The following LPAR1 variants were observed in gnomAD, a reference collection of about 807,000 sequenced individuals.
LPAR1 encodes LPA receptor 1.
Under a neutral mutation model 23.8 loss-of-function variants are expected in LPAR1, and 5 were observed. That is an observed-to-expected ratio of 0.21 (90% CI 0.11 to 0.44). The LOEUF is 0.44. Among genes scored for constraint, LPAR1 ranks in the 20% least tolerant of loss-of-function variants. The probability of loss-of-function intolerance (pLI) is 0.99; values close to 1 mark genes in which losing one functional copy is unlikely to be tolerated. For missense variants in LPAR1, 311 were observed against 482.8 expected (o/e 0.64, Z 3.33); for synonymous variants, 160 against 164.7 (o/e 0.97, Z 0.22).
At chr9:110,961,330 G>A (rs2095972618) in intron 4 of LPAR1, among the ~76,000 whole-genome samples, 1 of 151,090 alleles carries the variant, frequency 6.6e-6, no homozygotes, top group African/African-American at 2.4e-5. Flanking sequence ...AAAAAAAAAA[G>A]AGGTTTAGGG....
chr9:111,010,283 T>C (rs953607290), intron 2 of LPAR1, among the ~76,000 whole-genome samples: 15 of 152,014 alleles, frequency 9.9e-5, no homozygotes, highest in African/African-American at 3.4e-4. Flanking sequence ...GCAGAAATTA[T>C]AGGAGAATGT....
At chr9:110,955,294 T>C (rs577055603) in intron 4 of LPAR1, among the ~76,000 whole-genome samples, 85 of 152,228 alleles carry the variant, frequency 5.6e-4, no homozygotes, top group African/African-American at 2.0e-3. Context: ...CCTATACACA[T>C]GTCAGATAAA....
chr9:111,038,453 C>A lies in LPAR1; in HGVS notation c.-548G>T. 1 of 333,000 alleles carries A rather than the reference C, an allele frequency of 3.0e-6. No individual in the cohort carries two copies. The highest frequency in any genetic ancestry group is 2.1e-5 in the South Asian group (1 of 47,332). The allele number at this position is 333,000 out of a possible 1,614,324, so 20.6% of individuals were successfully genotyped here. On this transcript the variant is annotated 5_prime_UTR_variant, in exon 1 of 6. Coordinates refer to ENST00000683809, the MANE Select transcript of LPAR1 (RefSeq NM_001351411.2). This position sits in a 1 kb window ranked among gnomAD's most constrained non-coding sequence, Gnocchi z 4.4. ...GAGTCGCCACTCAGGGAGCGTCAGCCGCCAGTCGGCCCCTACTGCCCGGCT... is the reference window on the plus strand; with the variant it reads ...GAGTCGCCACTCAGGGAGCGTCAGCAGCCAGTCGGCCCCTACTGCCCGGCT...
intron 4 of LPAR1, among the ~76,000 whole-genome samples, chr9:110,947,625 G>A (rs779752835): frequency 9.9e-5 from 15 of 152,168 alleles, no homozygotes; most frequent in Non-Finnish European, 1.6e-4. Flanking sequence ...ATTCTTGAAC[G>A]TTTATAGGAT....
At chr9:111,025,159 C>G (rs1294318212) in intron 2 of LPAR1, among the ~76,000 whole-genome samples, 3 of 152,170 alleles carry the variant, frequency 2.0e-5, no homozygotes, top group African/African-American at 7.2e-5. Flanking sequence ...AATTTACACT[C>G]CCACCAACAG....
chr9:110,892,685 A>AGGGAG (rs2084653213), intron 5 of LPAR1, among the ~76,000 whole-genome samples: 2 of 135,238 alleles, frequency 1.5e-5, no homozygotes, highest in Admixed American at 7.5e-5. Flanking sequence ...GAGAGGGGGA[A>AGGGAG]GGGAGGGGAG....
At chr9:110,927,281 G>A (rs1364243509) in intron 5 of LPAR1, among the ~76,000 whole-genome samples, 3 of 151,210 alleles carry the variant, frequency 2.0e-5, no homozygotes, top group Non-Finnish European at 4.4e-5. Context: ...TAGCAGCTGC[G>A]AAAACATTCA....
intron 5 of LPAR1, among the ~76,000 whole-genome samples, chr9:110,899,343 C>A (rs2087743797): frequency 6.6e-6 from 1 of 152,168 alleles, no homozygotes; most frequent in South Asian, 2.1e-4. Context: ...AAATTATCTA[C>A]ATCAAGAATT....
chr9:111,036,459 C>A (rs758131920), intron 1 of LPAR1, among the ~76,000 whole-genome samples: 9 of 152,084 alleles, frequency 5.9e-5, no homozygotes, highest in Non-Finnish European at 1.3e-4. Flanking sequence ...TGTTTTCTTC[C>A]ATCTTCCTGG....
chr9:110,946,208 A>C (rs2095370991), intron 4 of LPAR1, among the ~76,000 whole-genome samples: 1 of 152,166 alleles, frequency 6.6e-6, no homozygotes, highest in African/African-American at 2.4e-5. Context: ...AAAGAAAAGA[A>C]GGCACATATA....
chr9:110,909,417 C>T (rs2092022941), intron 5 of LPAR1, among the ~76,000 whole-genome samples: 1 of 152,156 alleles, frequency 6.6e-6, no homozygotes, highest in Non-Finnish European at 1.5e-5. Flanking sequence ...GATTGACTTT[C>T]AGTGCAGTGG....
At chr9:110,955,203 T>C (rs1004731320) in intron 4 of LPAR1, among the ~76,000 whole-genome samples, 1 of 152,228 alleles carries the variant, frequency 6.6e-6, no homozygotes, top group South Asian at 2.1e-4. Context: ...TCATCTCATC[T>C]GTGAAGAAAC....
chr9:110,998,856 G>T (rs2097073614), intron 2 of LPAR1, among the ~76,000 whole-genome samples: 2 of 152,182 alleles, frequency 1.3e-5, no homozygotes, highest in South Asian at 4.1e-4. Context: ...AATATCTAAT[G>T]CATAGATAGA....
intron 4 of LPAR1, among the ~76,000 whole-genome samples, chr9:110,964,642 T>A (rs138404301): frequency 6.9e-6 from 1 of 145,528 alleles, no homozygotes; most frequent in African/African-American, 2.6e-5. Flanking sequence ...AGTACAAAGT[T>A]CTATCCAAAA....
chr9:110,886,106 G>A (rs1364738121), intron 5 of LPAR1, among the ~76,000 whole-genome samples: 24 of 152,012 alleles, frequency 1.6e-4, no homozygotes, highest in African/African-American at 5.1e-4. Context: ...TCTACGGCAG[G>A]AGAATTGCTT....
chr9:110,932,036 A>T (rs961552544), intron 5 of LPAR1, among the ~76,000 whole-genome samples: 1 of 152,196 alleles, frequency 6.6e-6, no homozygotes, highest in African/African-American at 2.4e-5. Context: ...CCTTAAAAAA[A>T]GTCCTGAGAG....
intron 2 of LPAR1, among the ~76,000 whole-genome samples, chr9:110,991,583 T>C (rs1481757077): frequency 2.6e-5 from 3 of 114,106 alleles, no homozygotes; most frequent in African/African-American, 1.5e-4. Flanking sequence ...GTTTGTTTTG[T>C]TGTTGTTGTT....
intron 2 of LPAR1, among the ~76,000 whole-genome samples, chr9:111,000,091 G>A (rs909316346): frequency 2.0e-5 from 3 of 152,066 alleles, no homozygotes; most frequent in Admixed American, 6.5e-5. Flanking sequence ...TAATACCATC[G>A]CCTTGGGGAC....
chr9:110,957,264 A>C (rs1206584180), intron 4 of LPAR1, among the ~76,000 whole-genome samples: 1 of 151,420 alleles, frequency 6.6e-6, no homozygotes, highest in Non-Finnish European at 1.5e-5. Context: ...GGCTGAGGCA[A>C]GAGGAACCCT....
Sources: allele counts gnomAD v4.1 joint callset (sites outside exome capture counted in the v4.1 genomes callset), GRCh38; gene constraint gnomAD v4.1.1; non-coding constraint Gnocchi (gnomAD v3.1); transcripts MANE v1.5; gene names NCBI Gene and HGNC (gene_info 2026-07-23, HGNC 2026-07-21).